CCAR2: variants seen among roughly 807,000 people sequenced by gnomAD.
The protein encoded by CCAR2 is cell cycle and apoptosis regulator protein 2.
Under a neutral mutation model 108.1 loss-of-function variants are expected in CCAR2, and 21 were observed. The observed-to-expected ratio is 0.19, with a 90% CI of 0.14 to 0.28. The LOEUF (loss-of-function observed/expected upper bound fraction) is 0.28, where lower values mean the gene tolerates loss of function less well. CCAR2 is among the 10% of genes least tolerant of loss of function. The probability of loss-of-function intolerance (pLI) is 1.00; values close to 1 mark genes in which losing one functional copy is unlikely to be tolerated. For missense variants in CCAR2, 1,126 were observed against 1,177.0 expected, an observed-to-expected ratio of 0.96 and a Z score of 0.63; for synonymous variants, 577 against 472.8, an observed-to-expected ratio of 1.22 and a Z score of -2.86.
intron 8 of CCAR2, 98 bp downstream of exon 8, chr8:22,613,234 C>T (rs1801363058): frequency 7.8e-7 from 1 of 1,276,342 alleles, no homozygotes; most frequent in Non-Finnish European, 1.0e-6. Flanking sequence ...TATGTTCTTA[C>T]AGCCTTTTCT....
chr8:22,608,185 A>G lies in CCAR2; in HGVS notation c.584+120A>G, dbSNP rs1390820539. The G allele has an allele frequency of 1.1e-5, 8 of 719,616 alleles. No homozygotes were observed. In the East Asian group the frequency reaches 1.4e-4, roughly 12 times the overall value. The allele number at this position is 719,616 out of a possible 1,614,324, so 44.6% of individuals were successfully genotyped here. ...CAGGTCAACTGCTTGGAAGGTGGCT[A>G]TGCTTACCACTAACATTCTTTGCCT... On this transcript the variant is annotated intron_variant, in intron 7 of 20. Coordinates refer to ENST00000308511, the MANE Select transcript of CCAR2 (RefSeq NM_001393997.1).
At chr8:22,605,922 C>A in intron 2 of CCAR2, 91 bp downstream of exon 2, 1 of 1,381,190 alleles carries the variant, frequency 7.2e-7, no homozygotes, top group Non-Finnish European at 1.0e-6. Context: ...CAATTTGCTG[C>A]TGATGTTCCT....
At chr8:22,607,428 T>C (rs1801117856) in intron 6 of CCAR2, 103 bp downstream of exon 6, 2 of 1,370,022 alleles carry the variant, frequency 1.5e-6, no homozygotes, top group East Asian at 4.7e-5. Flanking sequence ...TACTTCTATG[T>C]ACTGGAAGAA....
At chr8:22,621,387 C>G (rs1468312622), downstream of CCAR2, 1 of 1,596,560 alleles carries the variant, frequency 6.3e-7, no homozygotes, top group East Asian at 2.3e-5. Context: ...ATGAGGCTGA[C>G]CACGTCACAG....
chr8:22,606,280 C>T (rs1801075888), intron 3 of CCAR2, 104 bp downstream of exon 3: 2 of 1,031,060 alleles, frequency 1.9e-6, no homozygotes, highest in Non-Finnish European at 3.0e-6. Context: ...ATTCCTGATC[C>T]CTCTCCTGGT....
At position 22,615,856 on chromosome 8, in the gene CCAR2, C is replaced by A. The variant is rs142316074; in HGVS notation, c.1552C>A (p.Leu518Met). ...AVIARPGCVN[L>M]SLHGIVEDRR... ...CATCGCACGCCCTGGCTGTGTAAAC[C>A]TGTCCCTCCATGGGATTGTGGAGGA... Residue 518 changes from leucine (L) to methionine (M), a missense_variant, in exon 13 of 21, where the codon CTG (leucine) becomes ATG (methionine). This residue lies in a region of CCAR2 where 1,013 missense variants were observed against 993.9 expected (regional missense o/e 1.02). Coordinates refer to ENST00000308511, the MANE Select transcript of CCAR2 (RefSeq NM_001393997.1). The A allele has an allele frequency of 6.2e-7, 1 of 1,613,912 alleles. No individual in the cohort carries two copies. Among genetic ancestry groups the A allele is most frequent in the African/African-American group, 1.3e-5 (1 of 74,906 alleles).
At chr8:22,617,599 T>C (rs141062712) in intron 15 of CCAR2, 35 bp downstream of exon 15, 6 of 1,608,630 alleles carry the variant, frequency 3.7e-6, no homozygotes, top group Non-Finnish European at 5.1e-6. Flanking sequence ...CTTGCAGGCT[T>C]GGGATGTGGC....
At chr8:22,604,979 C>T in intron 1 of CCAR2, 137 bp downstream of exon 1, 3 of 319,430 alleles carry the variant, frequency 9.4e-6, no homozygotes, top group Non-Finnish European at 1.2e-5. Context: ...ACTGCAAGTC[C>T]CGTCTCCCTG....
intron 10 of CCAR2, 113 bp downstream of exon 10, chr8:22,614,616 G>A (rs780544472): frequency 1.6e-5 from 18 of 1,092,320 alleles, no homozygotes; most frequent in East Asian, 2.5e-5. Flanking sequence ...TCTCAGAGCC[G>A]AACACCCCTC....
chr8:22,615,832 A>C lies in CCAR2; in HGVS notation c.1528A>C (p.Ile510Leu). The C allele has an allele frequency of 6.2e-7, 1 of 1,614,022 alleles. No individual in the cohort carries two copies. Among genetic ancestry groups the C allele is most frequent in the East Asian group, 2.2e-5 (1 of 44,870 alleles). Residue 510 changes from isoleucine (I) to leucine (L), a missense_variant, in exon 13 of 21, where the codon ATC (isoleucine) becomes CTC (leucine). Transcript: ENST00000308511. ...TCCACCCCCCCTAGAACCTGCTGTCATCGCACGCCCTGGCTGTGTAAACCT... is the reference window on the plus strand; with the variant it reads ...TCCACCCCCCCTAGAACCTGCTGTCCTCGCACGCCCTGGCTGTGTAAACCT... ...APPPPLEPAV[I>L]ARPGCVNLSL... is the part of the protein sequence containing the mutation.
chr8:22,621,416 G>A (rs528176697), downstream of CCAR2: 270 of 1,611,748 alleles, frequency 1.7e-4, 2 homozygotes, highest in South Asian at 2.3e-3. Flanking sequence ...CAAGAGTGAC[G>A]GGGATTCAGT....
intron 7 of CCAR2, 37 bp from the exon 8 acceptor site, chr8:22,612,980 T>A: frequency 6.3e-7 from 1 of 1,599,558 alleles, no homozygotes. Context: ...CATATAACAA[T>A]GTGGTTTCTT....
At chr8:22,617,247 G>C (rs1801560300) in intron 14 of CCAR2, 173 bp from the exon 15 acceptor site, 2 of 710,664 alleles carry the variant, frequency 2.8e-6, no homozygotes, top group Admixed American at 6.0e-5. Context: ...GCGATGCCCT[G>C]GCATGCTCTG....
At chr8:22,618,588 C>T (rs1251341117) in intron 17 of CCAR2, 29 bp from the exon 18 acceptor site, 1 of 1,613,946 alleles carries the variant, frequency 6.2e-7, no homozygotes, top group Non-Finnish European at 8.5e-7. Flanking sequence ...GGGACGGGGC[C>T]TTCTGATCAG....
rs576376523 is a variant in CCAR2, at chr8:22,619,471, G to A, written c.2727+116G>A. On this transcript the variant is annotated intron_variant, in intron 20 of 20. Coordinates refer to ENST00000308511, the MANE Select transcript of CCAR2 (RefSeq NM_001393997.1). The stretch of plus-strand genomic sequence containing the variant: ...CAGAGGGCCAGCAGGCACCGGCTTC[G>A]TCTTTCCATCGCTTGCCAGGCAGTG... The A allele has an allele frequency of 9.9e-5, 141 of 1,425,230 alleles. No individual in the cohort carries two copies. The African/African-American group carries it at 1.3e-3, about 14-fold the overall frequency. The allele number at this position is 1,425,230 out of a possible 1,614,324, so 88.3% of individuals were successfully genotyped here.
Position 22,616,254 on chromosome 8 carries a change from T to C in CCAR2, c.1845+6T>C, listed in dbSNP as rs569512363. On this transcript the variant is annotated splice_donor_region_variant and intron_variant, in intron 14 of 20. Coordinates refer to ENST00000308511, the MANE Select transcript of CCAR2 (RefSeq NM_001393997.1). ...CAGAGTCAGAGGCCCCGCTGGTGAG[T>C]ACCCTGCCACCTCGGGCTGTCATAG... 6.2e-6 allele frequency: 10 copies of C among 1,610,772 alleles called. No individual in the cohort carries two copies. In the African/African-American group the frequency reaches 1.1e-4, roughly 17 times the overall value.
At position 22,619,313 on chromosome 8, in the gene CCAR2, T is replaced by A; in HGVS notation, c.2685T>A (p.Arg895=). The change falls in exon 20 of 21, where the codon CGT becomes CGA. Residue 895 remains arginine (R), a synonymous_variant. Coordinates refer to ENST00000308511, the MANE Select transcript of CCAR2 (RefSeq NM_001393997.1). ...GGCTGCTGCAGGAGCTCCGCAGGCG[T>A]CTGACCCCCCTGCAGCTGGAGATCC... The part of the protein sequence containing the change: ...LQRLLQELRR[R]LTPLQLEIQR... 6.4e-7 allele frequency: 1 copy of A among 1,564,368 alleles called. No homozygotes were observed.
At chr8:22,615,300 T>G in intron 11 of CCAR2, 125 bp from the exon 12 acceptor site, 1 of 1,235,278 alleles carries the variant, frequency 8.1e-7, no homozygotes, top group Non-Finnish European at 1.1e-6. Context: ...TGTTGTGTCT[T>G]CAAAGCTTGG....
chr8:22,615,984 C>G, intron 13 of CCAR2, 28 bp from the exon 14 acceptor site: 2 of 1,613,094 alleles, frequency 1.2e-6, no homozygotes, highest in Non-Finnish European at 1.7e-6. Context: ...CTTCCTGATG[C>G]TCATGGACCC....
Sources: allele counts gnomAD v4.1 joint callset, GRCh38; gene constraint gnomAD v4.1.1; regional missense constraint gnomAD v4.1.1; transcripts MANE v1.5; gene names NCBI Gene and HGNC (gene_info 2026-07-23, HGNC 2026-07-21).